The following KLHL13 variants were observed in gnomAD, a reference collection of about 807,000 sequenced individuals.
KLHL13 encodes the protein kelch-like protein 13.
In KLHL13, 10 loss-of-function variants were observed where a neutral mutation model predicts 37.1. The observed-to-expected ratio is 0.27, with a 90% CI of 0.17 to 0.46. KLHL13 has a LOEUF of 0.46. Ranked by LOEUF, KLHL13 falls within the 20% of genes least tolerant of loss-of-function variation. The probability of loss-of-function intolerance (pLI) is 1.00; values close to 1 mark genes in which losing one functional copy is unlikely to be tolerated. For synonymous variants in KLHL13, 163 were observed against 181.2 expected, an observed-to-expected ratio of 0.90 and a Z score of 0.81; for missense variants, 360 against 509.3, an observed-to-expected ratio of 0.71 and a Z score of 2.82.
At chrX:117,960,836 T>C (rs1406004304) in intron 1 of KLHL13, among the ~76,000 whole-genome samples, 1 of 111,986 alleles carries the variant, frequency 8.9e-6, no homozygotes, top group Non-Finnish European at 1.9e-5. Context: ...TTAGTACTTT[T>C]TAAATGGCTC....
rs149218823 is a variant in KLHL13, at chrX:118,069,774, G to T, written c.-56+46734C>A. Among the ~76,000 whole-genome samples, 1,046 of 111,398 alleles carry T rather than the reference G, an allele frequency of 9.4e-3. 15 individuals carry two copies. The highest frequency in any genetic ancestry group is 0.032 in the African/African-American group (981 of 30,717). ...AAGTTAAGGCTAATTTATTACCAAA[G>T]AAAAAATATTTTTTATAAATTTAGT... On this transcript the variant is annotated intron_variant, in intron 1 of 6. Coordinates refer to the KLHL13 transcript ENST00000371882.
At position 117,965,408 on chromosome X, in the gene KLHL13, A is replaced by G. The variant is rs367758426; in HGVS notation, c.98+7323T>C. Among the ~76,000 whole-genome samples the G allele has an allele frequency of 3.9e-4, 44 of 111,835 alleles. No homozygotes were observed. In the East Asian group the frequency reaches 0.01, roughly 26 times the overall value. On this transcript the variant is annotated intron_variant, in intron 1 of 6. Transcript: ENST00000262820. ...CTTCTTTTGAGAAGTGTCTGTTAAT[A>G]TCCTTCGCCCACTTGTTGATGGGGT...
intron 5 of KLHL13, among the ~76,000 whole-genome samples, chrX:117,907,322 C>G (rs1179351001): frequency 9.0e-6 from 1 of 110,908 alleles, no homozygotes; most frequent in Non-Finnish European, 1.9e-5. Flanking sequence ...TTAAAAACTC[C>G]CAGAAGAATA....
chrX:117,944,363 C>T (rs1269760791), intron 2 of KLHL13, among the ~76,000 whole-genome samples: 1 of 111,131 alleles, frequency 9.0e-6, no homozygotes, highest in African/African-American at 3.3e-5. Flanking sequence ...CAATTAGAAA[C>T]GGAAATACTG....
intron 1 of KLHL13, among the ~76,000 whole-genome samples, chrX:118,089,855 G>T (rs1035645958): frequency 9.1e-6 from 1 of 110,038 alleles, no homozygotes; most frequent in African/African-American, 3.3e-5. Flanking sequence ...AAGGCAGGTG[G>T]ATCACTTGAG....
chrX:118,010,769 G>C (rs1271780776), intron 1 of KLHL13, among the ~76,000 whole-genome samples: 1 of 110,773 alleles, frequency 9.0e-6, no homozygotes, highest in Non-Finnish European at 1.9e-5. Context: ...AATGCTAGGG[G>C]AGCCATTAGA....
At chrX:118,028,702 T>C (rs1268951570) in intron 1 of KLHL13, among the ~76,000 whole-genome samples, 1 of 112,233 alleles carries the variant, frequency 8.9e-6, no homozygotes, top group East Asian at 2.8e-4. Flanking sequence ...ATCTATGAAA[T>C]TTAATAGTGA....
chrX:117,947,793 T>C (rs1262962225), intron 1 of KLHL13: 1 of 111,562 alleles, frequency 9.0e-6, no homozygotes, highest in Non-Finnish European at 1.9e-5. Flanking sequence ...GATTCAATAT[T>C]CCCATCTATC....
intron 1 of KLHL13, among the ~76,000 whole-genome samples, chrX:118,095,293 A>G (rs1313238272): frequency 1.1e-3 from 127 of 110,869 alleles, no homozygotes; most frequent in Non-Finnish European, 2.0e-3. Flanking sequence ...AGAGACAAAG[A>G]AGGCCATTAC....
chrX:117,956,269 T>C (rs1221213771), intron 1 of KLHL13, among the ~76,000 whole-genome samples: 3 of 111,942 alleles, frequency 2.7e-5, no homozygotes, highest in Non-Finnish European at 5.6e-5. Flanking sequence ...TTTACAAAAT[T>C]TATAATGTTT....
intron 2 of KLHL13, among the ~76,000 whole-genome samples, chrX:117,933,630 G>C (rs1352824382): frequency 9.0e-6 from 1 of 111,202 alleles, no homozygotes; most frequent in East Asian, 2.8e-4. Context: ...AAAAGCAGAA[G>C]CAACAAAAGC....
At chrX:117,978,690 C>T (rs1269321932), upstream of KLHL13, among the ~76,000 whole-genome samples, 1 of 110,512 alleles carries the variant, frequency 9.0e-6, no homozygotes, top group African/African-American at 3.3e-5. Context: ...TACTCCTTCA[C>T]TAAGGCTGTA....
At chrX:118,087,959 G>A (rs2055074159) in intron 1 of KLHL13, among the ~76,000 whole-genome samples, 1 of 112,012 alleles carries the variant, frequency 8.9e-6, no homozygotes, top group Admixed American at 9.5e-5. Context: ...TATATAGAGA[G>A]CTGTATTCAG....
chrX:118,017,266 ATAAT>A (rs1479377267), intron 1 of KLHL13, among the ~76,000 whole-genome samples: 2 of 111,551 alleles, frequency 1.8e-5, no homozygotes, highest in African/African-American at 3.2e-5. Context: ...CCTTATTATT[ATAAT>A]TAATAATCAT....
At chrX:118,096,181 GC>G (rs2055203842) in intron 1 of KLHL13, among the ~76,000 whole-genome samples, 2 of 111,344 alleles carry the variant, frequency 1.8e-5, no homozygotes, top group African/African-American at 6.5e-5. Context: ...TAGACTGCTA[GC>G]AAGACTAATA....
At chrX:118,108,340 G>T (rs2055368544) in intron 1 of KLHL13, among the ~76,000 whole-genome samples, 1 of 112,081 alleles carries the variant, frequency 8.9e-6, no homozygotes, top group African/African-American at 3.2e-5. Flanking sequence ...TGTCTGGCAT[G>T]GAACAACAAC....
chrX:118,089,588 AAGAG>A lies in KLHL13; in HGVS notation c.-56+26916_-56+26919del, dbSNP rs199722513. Among the ~76,000 whole-genome samples the A allele has an allele frequency of 3.9e-3, 313 of 80,160 alleles. 3 individuals carry two copies. Among genetic ancestry groups the A allele is most frequent in the African/African-American group, 8.8e-3 (173 of 19,640 alleles). The allele number at this position is 80,160 out of a possible 115,157, so 69.6% of individuals were successfully genotyped here. A position where few individuals can be genotyped will look rare whatever the true frequency, so the allele number is the denominator to read the frequency against. On this transcript the variant is annotated intron_variant, in intron 1 of 6. Coordinates refer to the KLHL13 transcript ENST00000371882. ...AAATAGAAGAAAGAAAAGAAAAGAAAAGAGAGAGAGAGAGAGAGAGAGAGAAAGA... is the reference window on the plus strand; with the variant it reads ...AAATAGAAGAAAGAAAAGAAAAGAAAAGAGAGAGAGAGAGAGAGAGAAAGA...
At chrX:117,955,100 T>C (rs1236219914) in intron 1 of KLHL13, among the ~76,000 whole-genome samples, 1 of 112,105 alleles carries the variant, frequency 8.9e-6, no homozygotes, top group Non-Finnish European at 1.9e-5. Context: ...TTTTATTAAA[T>C]ATTCAAACAT....
At chrX:118,020,283 G>C (rs1167453223) in intron 1 of KLHL13, among the ~76,000 whole-genome samples, 2 of 111,100 alleles carry the variant, frequency 1.8e-5, no homozygotes, top group African/African-American at 6.6e-5. Flanking sequence ...CTCATGATTT[G>C]GCTCTTTGTT....
Sources: gnomAD v4.1 joint callset for allele counts (sites outside exome capture counted in the v4.1 genomes callset) on GRCh38, gnomAD v4.1.1 for gene constraint, MANE v1.5 for transcripts, NCBI Gene and HGNC (gene_info 2026-07-23, HGNC 2026-07-21) for gene names.